The following ORC5 variants were observed in gnomAD, a reference collection of about 807,000 sequenced individuals.
ORC5 encodes the protein origin recognition complex subunit 5.
Under a neutral mutation model 58.8 loss-of-function variants are expected in ORC5, and 39 were observed. The ratio of observed to expected loss-of-function variants is 0.66; its 90% CI spans 0.51 to 0.87. The LOEUF is 0.87. Among genes scored for constraint, ORC5 ranks in the 40% least tolerant of loss-of-function variants. ORC5 has a pLI of 0.00. For missense variants in ORC5, 493 were observed against 506.3 expected (o/e 0.97, Z 0.25); for synonymous variants, 218 against 177.6 (o/e 1.23, Z -1.81).
chr7:104,200,313 C>T (rs959803370), intron 3 of ORC5, among the ~76,000 whole-genome samples: 1 of 152,192 alleles, frequency 6.6e-6, no homozygotes, highest in African/African-American at 2.4e-5. Context: ...TTCCAGTCTT[C>T]TTTTTCTCCC....
rs1251503951 is a variant in ORC5, at chr7:104,138,384, T to C, written c.1150-1491A>G. On this transcript the variant is annotated intron_variant, in intron 12 of 13. Transcript: ENST00000297431. The surrounding 1 kb of genome is among the most constrained non-coding windows in gnomAD (Gnocchi z 4.7). ...TCAGAATATAAAATCTATACTCCTTTGGGTATAAAACAATAATATGGATTT... is the reference window on the plus strand; with the variant it reads ...TCAGAATATAAAATCTATACTCCTTCGGGTATAAAACAATAATATGGATTT... Among the ~76,000 whole-genome samples the C allele has an allele frequency of 6.6e-6, 1 of 152,018 alleles. No individual in the cohort carries two copies. The highest frequency in any genetic ancestry group is 1.5e-5 in the Non-Finnish European group (1 of 68,028).
At chr7:104,160,557 T>A (rs909758363) in intron 12 of ORC5, among the ~76,000 whole-genome samples, 2 of 151,900 alleles carry the variant, frequency 1.3e-5, no homozygotes, top group African/African-American at 4.8e-5. Context: ...TAACTACTTG[T>A]TTTTTTTAAA....
rs1275282262 is a variant in ORC5 at position 104,129,767 on chromosome 7, TA to T, written c.1263-2875del. 6.6e-6 allele frequency among the ~76,000 whole-genome samples: 1 copy of T among 152,166 alleles called. No homozygotes were observed. Among genetic ancestry groups the T allele is most frequent in the African/African-American group, 2.4e-5 (1 of 41,446 alleles). On this transcript the variant is annotated intron_variant, in intron 13 of 13. Transcript: ENST00000297431. The surrounding 1 kb of genome is among the most constrained non-coding windows in gnomAD (Gnocchi z 4.9). ...TTTTAAACTTTGGGATAACTTTCAA[TA>T]TACTATGGGAGATTCTCCCACAGAA...
intron 8 of ORC5, among the ~76,000 whole-genome samples, chr7:104,172,221 G>A (rs1383914025): frequency 1.3e-5 from 2 of 152,286 alleles, no homozygotes; most frequent in Non-Finnish European, 2.9e-5. Flanking sequence ...TGATATTGTG[G>A]ACACAATTGA....
At chr7:104,179,940 A>G (rs1235927192) in intron 8 of ORC5, among the ~76,000 whole-genome samples, 5 of 152,180 alleles carry the variant, frequency 3.3e-5, no homozygotes, top group African/African-American at 7.2e-5. Context: ...TCCTCTGATT[A>G]TAACTCTGCT....
chr7:104,134,841 C>T (rs939435458), intron 13 of ORC5, among the ~76,000 whole-genome samples: 44 of 152,004 alleles, frequency 2.9e-4, no homozygotes, highest in African/African-American at 1.0e-3. Context: ...AAAAGAAGTA[C>T]AAAACACAGG....
At chr7:104,184,222 A>C in intron 6 of ORC5, 51 bp from the exon 7 acceptor site, 2 of 1,141,446 alleles carry the variant, frequency 1.8e-6, no homozygotes, top group Non-Finnish European at 1.3e-6. Context: ...ATCGATCACA[A>C]TTAGAAATTT....
intron 8 of ORC5, among the ~76,000 whole-genome samples, chr7:104,175,488 T>C (rs1799303449): frequency 6.6e-6 from 1 of 152,226 alleles, no homozygotes; most frequent in Non-Finnish European, 1.5e-5. Context: ...ATCAGCTCCA[T>C]GGCAACTGAC....
intron 12 of ORC5, among the ~76,000 whole-genome samples, chr7:104,157,143 C>G (rs920477125): frequency 6.6e-5 from 10 of 151,770 alleles, no homozygotes; most frequent in African/African-American, 2.4e-4. Context: ...CACTGGGAGT[C>G]AATGGGAAGA....
At chr7:104,173,094 A>T (rs1799245852) in intron 8 of ORC5, among the ~76,000 whole-genome samples, 1 of 152,162 alleles carries the variant, frequency 6.6e-6, no homozygotes, top group South Asian at 2.1e-4. Flanking sequence ...GTTATCACGG[A>T]TAATGCTTGA....
chr7:104,207,930 A>G lies in ORC5; in HGVS notation c.-26T>C. ...TCTGGCAGGCACCACCGCAGAGGCC[A>G]GTGCAGCCAGCCCACAGGACCCTTG... On this transcript the variant is annotated 5_prime_UTR_variant, in exon 1 of 14. Coordinates refer to ENST00000297431, the MANE Select transcript of ORC5 (RefSeq NM_002553.4). The G allele has an allele frequency of 1.9e-6, 3 of 1,609,214 alleles. No individual in the cohort carries two copies. In the South Asian group the frequency reaches 3.3e-5, roughly 18 times the overall value.
intron 5 of ORC5, among the ~76,000 whole-genome samples, 184 bp downstream of exon 5, chr7:104,194,959 A>C (rs1254638606): frequency 6.6e-6 from 1 of 152,172 alleles, no homozygotes; most frequent in Non-Finnish European, 1.5e-5. Flanking sequence ...TTTGAATGGC[A>C]ATAATACTTT....
intron 12 of ORC5, among the ~76,000 whole-genome samples, chr7:104,149,934 G>T (rs923183245): frequency 6.6e-6 from 1 of 152,132 alleles, no homozygotes; most frequent in Non-Finnish European, 1.5e-5. Flanking sequence ...CCTAAATGGG[G>T]TTATACAATA....
chr7:104,173,845 C>A (rs12705182), intron 8 of ORC5, among the ~76,000 whole-genome samples: 1 of 111,098 alleles, frequency 9.0e-6, no homozygotes, highest in African/African-American at 3.8e-5. Context: ...AAAATTTTTT[C>A]TTTTTTTTTT....
rs1285226016 is a variant in ORC5, at chr7:104,178,872, C to T, written c.824+5071G>A. On this transcript the variant is annotated intron_variant, in intron 8 of 13. Coordinates refer to ENST00000297431, the MANE Select transcript of ORC5 (RefSeq NM_002553.4). ...ATAATTCTGTACACAAAGTGTATCCCGAAACATAAGATGTATTTTTAATGA... is the reference window on the plus strand; with the variant it reads ...ATAATTCTGTACACAAAGTGTATCCTGAAACATAAGATGTATTTTTAATGA... 2.0e-5 allele frequency among the ~76,000 whole-genome samples: 3 copies of T among 151,424 alleles called. 1 individual carries two copies. Among genetic ancestry groups the T allele is most frequent in the East Asian group, 1.9e-4 (1 of 5,162 alleles).
chr7:104,162,372 G>C (rs1562812945), intron 11 of ORC5, among the ~76,000 whole-genome samples: 1 of 152,082 alleles, frequency 6.6e-6, no homozygotes. Context: ...GTGTAGGACA[G>C]GCTAGTCTCG....
At position 104,138,051 on chromosome 7, in the gene ORC5, C is replaced by T. The variant is rs139404223; in HGVS notation, c.1150-1158G>A. Reference sequence around the variant, plus strand: ...TAGATGCGGCCGTGAGATTGGAGCCCCACAACCTGCCCGTCTGCATGCTCC... The same window carrying T: ...TAGATGCGGCCGTGAGATTGGAGCCTCACAACCTGCCCGTCTGCATGCTCC... On this transcript the variant is annotated intron_variant, in intron 12 of 13. Transcript: ENST00000297431. The surrounding 1 kb of genome is among the most constrained non-coding windows in gnomAD (Gnocchi z 4.7). 0.017 allele frequency among the ~76,000 whole-genome samples: 2,617 copies of T among 152,292 alleles called. 27 individuals carry two copies. Among genetic ancestry groups the T allele is most frequent in the Non-Finnish European group, 0.024 (1,658 of 68,016 alleles).
intron 12 of ORC5, among the ~76,000 whole-genome samples, chr7:104,154,830 A>G (rs560521740): frequency 1.1e-4 from 16 of 151,996 alleles, no homozygotes; most frequent in South Asian, 6.2e-4. Flanking sequence ...AATTTACCAC[A>G]TATCTACCTG....
intron 6 of ORC5, among the ~76,000 whole-genome samples, chr7:104,185,533 T>C (rs1799526141): frequency 6.6e-6 from 1 of 152,166 alleles, no homozygotes; most frequent in Admixed American, 6.5e-5. Flanking sequence ...CTCAAAGTAT[T>C]TGGATTGGCA....
Sources: allele counts gnomAD v4.1 joint callset (sites outside exome capture counted in the v4.1 genomes callset), GRCh38; gene constraint gnomAD v4.1.1; non-coding constraint Gnocchi (gnomAD v3.1); transcripts MANE v1.5; gene names NCBI Gene and HGNC (gene_info 2026-07-23, HGNC 2026-07-21).